Variants in FGF2 observed in about 807,000 individuals in gnomAD.
FGF2 encodes the protein basic fibroblast growth factor bFGF.
FGF2 carries 13 observed loss-of-function variants against 15.9 expected under a neutral mutation model. The ratio of observed to expected loss-of-function variants is 0.82; its 90% CI spans 0.53 to 1.30. The LOEUF is 1.30. FGF2 is among the 50% of genes most tolerant of loss of function. The probability of loss-of-function intolerance (pLI) is 0.00; values close to 1 mark genes in which losing one functional copy is unlikely to be tolerated. For missense variants in FGF2, 163 were observed against 196.9 expected, an observed-to-expected ratio of 0.83 and a Z score of 1.03; for synonymous variants, 90 against 78.4, an observed-to-expected ratio of 1.15 and a Z score of -0.78.
intron 1 of FGF2, among the ~76,000 whole-genome samples, chr4:122,835,382 C>T (rs308406): frequency 0.062 from 9,359 of 151,790 alleles, 517 homozygotes; most frequent in South Asian, 0.2. Context: ...TGTTTTTAGC[C>T]TTCTACTCTT....
intron 1 of FGF2, among the ~76,000 whole-genome samples, chr4:122,838,972 A>G (rs945434519): frequency 1.3e-5 from 2 of 152,204 alleles, no homozygotes; most frequent in African/African-American, 4.8e-5. Flanking sequence ...TTCTATGTTT[A>G]GGTAACACAA....
At chr4:122,854,557 C>A (rs372991822) in intron 1 of FGF2, among the ~76,000 whole-genome samples, 40 of 152,320 alleles carry the variant, frequency 2.6e-4, no homozygotes, top group African/African-American at 9.1e-4. Flanking sequence ...CCTTTAAATA[C>A]TCAGCACAGC....
At chr4:122,870,663 G>A (rs191909205) in intron 1 of FGF2, among the ~76,000 whole-genome samples, 1 of 152,282 alleles carries the variant, frequency 6.6e-6, no homozygotes, top group Non-Finnish European at 1.5e-5. Flanking sequence ...TGTGGGGTCA[G>A]TGGTGATCTC....
chr4:122,897,650 C>T lies in FGF2; in HGVS notation c.*5254C>T. On this transcript the variant is annotated 3_prime_UTR_variant, in exon 3 of 3. Coordinates refer to ENST00000644866, the MANE Select transcript of FGF2 (RefSeq NM_001361665.2). ...AATATCTTCTTCAGGCTCTGACAGG[C>T]CTCCTGGAAACTTCCACATATTTTT... 6.2e-7 allele frequency: 1 copy of T among 1,610,422 alleles called. No individual in the cohort carries two copies. Among genetic ancestry groups the T allele is most frequent in the Non-Finnish European group, 8.5e-7 (1 of 1,176,830 alleles).
intron 1 of FGF2, among the ~76,000 whole-genome samples, chr4:122,845,588 T>A (rs308423): frequency 2.0e-5 from 3 of 152,126 alleles, no homozygotes; most frequent in African/African-American, 2.4e-5. Flanking sequence ...ATCAGCACTG[T>A]CTGTGTTACC....
intron 1 of FGF2, among the ~76,000 whole-genome samples, chr4:122,854,368 T>C (rs1471317178): frequency 6.6e-6 from 1 of 152,176 alleles, no homozygotes; most frequent in Non-Finnish European, 1.5e-5. Context: ...TGTAAGGAAA[T>C]GGTAAACATT....
Position 122,894,725 on chromosome 4 carries a change from A to G in FGF2, c.*2329A>G, listed in dbSNP as rs895493971. 4.6e-5 allele frequency: 7 copies of G among 152,182 alleles called. No homozygotes were observed. Among genetic ancestry groups the G allele is most frequent in the Non-Finnish European group, 8.8e-5 (6 of 68,034 alleles). The allele number at this position is 152,182 out of a possible 1,614,324, so 9.4% of individuals were successfully genotyped here. ...TATCCCCTAACATGTTTAAATGTCC[A>G]TTTTTATTCATTATGCTTTGAAAAA... On this transcript the variant is annotated 3_prime_UTR_variant, in exon 3 of 3. Coordinates refer to ENST00000644866, the MANE Select transcript of FGF2 (RefSeq NM_001361665.2).
chr4:122,865,270 T>G (rs908396861), intron 1 of FGF2, among the ~76,000 whole-genome samples: 1 of 145,552 alleles, frequency 6.9e-6, no homozygotes, highest in Non-Finnish European at 1.5e-5. Flanking sequence ...TTATTTTCTC[T>G]GTTTTTTTTT....
At chr4:122,879,007 T>C (rs2150785402) in intron 2 of FGF2, among the ~76,000 whole-genome samples, 1 of 152,296 alleles carries the variant, frequency 6.6e-6, no homozygotes, top group African/African-American at 2.4e-5. Flanking sequence ...ATCTGGAGCT[T>C]AGAGGAACAG....
At chr4:122,889,923 G>C (rs1054162156) in intron 2 of FGF2, 1 of 152,102 alleles carries the variant, frequency 6.6e-6, no homozygotes, top group Non-Finnish European at 1.5e-5. Context: ...GAAGCTGATA[G>C]AACACCAACA....
At chr4:122,842,289 T>C (rs1726005066) in intron 1 of FGF2, among the ~76,000 whole-genome samples, 1 of 152,204 alleles carries the variant, frequency 6.6e-6, no homozygotes, top group African/African-American at 2.4e-5. Context: ...TTGCTTTAGG[T>C]TTCCCTTAAA....
At chr4:122,874,818 C>G (rs1175665317) in intron 1 of FGF2, among the ~76,000 whole-genome samples, 1 of 151,946 alleles carries the variant, frequency 6.6e-6, no homozygotes, top group Non-Finnish European at 1.5e-5. Context: ...CATGCCGTTT[C>G]CCTAGCTACC....
intron 1 of FGF2, among the ~76,000 whole-genome samples, chr4:122,864,775 T>C (rs1024081675): frequency 7.9e-5 from 12 of 152,324 alleles, no homozygotes; most frequent in South Asian, 4.1e-4. Context: ...TAACTCCCTT[T>C]TTAATTGAGA....
intron 1 of FGF2, among the ~76,000 whole-genome samples, chr4:122,837,106 G>A (rs1725881505): frequency 6.6e-6 from 1 of 152,150 alleles, no homozygotes; most frequent in African/African-American, 2.4e-5. Context: ...TTTGGGCTGT[G>A]ATGAAATGGC....
rs1241195468 is a variant in FGF2 at position 122,892,724 on chromosome 4, A to G, written c.*328A>G. 1.2e-5 allele frequency: 16 copies of G among 1,345,044 alleles called. No individual in the cohort carries two copies. The South Asian group carries it at 1.9e-4, about 16-fold the overall frequency. The allele number at this position is 1,345,044 out of a possible 1,614,324, so 83.3% of individuals were successfully genotyped here. ...GAAACAAAATTTCTTCATGGAAATC[A>G]TATACATTAGAAAATCACAGTCAGA... On this transcript the variant is annotated 3_prime_UTR_variant, in exon 3 of 3. Coordinates refer to ENST00000644866, the MANE Select transcript of FGF2 (RefSeq NM_001361665.2).
In FGF2 at chr4:122,892,694, G is replaced by A. The variant is rs1179985961; in HGVS notation, c.*298G>A. 3.6e-5 allele frequency: 49 copies of A among 1,357,850 alleles called. 1 individual carries two copies. Among genetic ancestry groups the A allele is most frequent in the Non-Finnish European group, 4.4e-5 (45 of 1,024,804 alleles). The allele number at this position is 1,357,850 out of a possible 1,614,324, so 84.1% of individuals were successfully genotyped here. ...GAAAAGAGGCTTTTAAAATGTGCAT[G>A]TTTAGAAACAAAATTTCTTCATGGA... On this transcript the variant is annotated 3_prime_UTR_variant, in exon 3 of 3. Transcript: ENST00000644866.
intron 1 of FGF2, among the ~76,000 whole-genome samples, chr4:122,833,826 G>A (rs563510801): frequency 6.6e-6 from 1 of 152,226 alleles, no homozygotes; most frequent in Non-Finnish European, 1.5e-5. Context: ...ATTATATATA[G>A]CAAAGTTATA....
Position 122,827,100 on chromosome 4 carries a change from G to C in FGF2, c.-75G>C, listed in dbSNP as rs1208057703. The C allele has an allele frequency of 5.7e-6, 7 of 1,228,212 alleles. No homozygotes were observed. The highest frequency in any genetic ancestry group is 6.1e-6 in the Non-Finnish European group (6 of 986,486). 76.1% of individuals were successfully genotyped at this position (1,228,212 alleles called of 1,614,324 possible). On this transcript the variant is annotated 5_prime_UTR_variant, in exon 1 of 3. Transcript: ENST00000644866. This position sits in a 1 kb window ranked among gnomAD's most constrained non-coding sequence, Gnocchi z 4.2. ...TGCCCCGGAGCGGGTCGGAGGCCGG[G>C]GCCGGGGCCGGGGGACGGCGGCTCC...
At chr4:122,870,783 C>G (rs1726714749) in intron 1 of FGF2, among the ~76,000 whole-genome samples, 1 of 151,992 alleles carries the variant, frequency 6.6e-6, no homozygotes, top group East Asian at 1.9e-4. Context: ...CTCCTAGATT[C>G]ATTGATTTTT....
Sources: allele counts gnomAD v4.1 joint callset (sites outside exome capture counted in the v4.1 genomes callset), GRCh38; gene constraint gnomAD v4.1.1; non-coding constraint Gnocchi (gnomAD v3.1); transcripts MANE v1.5; gene names NCBI Gene and HGNC (gene_info 2026-07-23, HGNC 2026-07-21).